ADCY9: variants seen among roughly 807,000 people sequenced by gnomAD.
The protein encoded by ADCY9 is adenylate cyclase 9, also known as adenylate cyclase type 9.
In ADCY9, 50 loss-of-function variants were observed where a neutral mutation model predicts 101.5. The ratio of observed to expected loss-of-function variants is 0.49; its 90% CI spans 0.39 to 0.62. The LOEUF (loss-of-function observed/expected upper bound fraction) is 0.62. Ranked by LOEUF, ADCY9 falls within the 20% of genes least tolerant of loss-of-function variation. The probability of loss-of-function intolerance (pLI) is 0.00; values close to 1 mark genes in which losing one functional copy is unlikely to be tolerated. For synonymous variants in ADCY9, 905 were observed against 769.3 expected, an observed-to-expected ratio of 1.18 and a Z score of -2.92; for missense variants, 1,662 against 1,800.4, an observed-to-expected ratio of 0.92 and a Z score of 1.39.
At chr16:4,048,341 A>G (rs1188557654) in intron 2 of ADCY9, among the ~76,000 whole-genome samples, 4 of 152,256 alleles carry the variant, frequency 2.6e-5, no homozygotes, top group African/African-American at 9.6e-5. Flanking sequence ...TTGTTTGACA[A>G]TGAAAAATCA....
chr16:3,995,880 T>C (rs2056282973), intron 3 of ADCY9, among the ~76,000 whole-genome samples: 1 of 152,090 alleles, frequency 6.6e-6, no homozygotes, highest in African/African-American at 2.4e-5. Context: ...AAAATGAAAA[T>C]ATACATGCCA....
intron 2 of ADCY9, among the ~76,000 whole-genome samples, chr16:4,073,063 T>TCTTG (rs2056845046): frequency 6.6e-6 from 1 of 151,232 alleles, no homozygotes; most frequent in Non-Finnish European, 1.5e-5. Flanking sequence ...AATGAGTGTC[T>TCTTG]CTTGGATCTC....
intron 2 of ADCY9, among the ~76,000 whole-genome samples, chr16:4,081,743 C>T (rs2056903847): frequency 8.1e-6 from 1 of 124,144 alleles, no homozygotes; most frequent in African/African-American, 3.2e-5. Flanking sequence ...TGGGTAAAAG[C>T]AAGAGAGGGT....
intron 2 of ADCY9, among the ~76,000 whole-genome samples, chr16:4,097,580 G>T (rs2057016608): frequency 1.0e-5 from 1 of 99,044 alleles, no homozygotes. Context: ...TTAAGACAGA[G>T]TCTTGCTCTG....
chr16:4,041,848 C>T (rs2056629097), intron 2 of ADCY9, among the ~76,000 whole-genome samples: 1 of 150,238 alleles, frequency 6.7e-6, no homozygotes, highest in Non-Finnish European at 1.5e-5. Context: ...ATCACCTGGG[C>T]CCAAGCCATC....
At chr16:3,967,703 T>TTC (rs1385693180) in intron 10 of ADCY9, among the ~76,000 whole-genome samples, 5 of 150,420 alleles carry the variant, frequency 3.3e-5, no homozygotes, top group Admixed American at 6.6e-5. Context: ...CATCTTTTTT[T>TTC]TTTTTTTTTT....
chr16:4,017,850 T>C (rs1270763486), intron 2 of ADCY9, among the ~76,000 whole-genome samples: 1 of 152,204 alleles, frequency 6.6e-6, no homozygotes, highest in Non-Finnish European at 1.5e-5. Flanking sequence ...CTCACTATTG[T>C]AGTCCAACCT....
Position 4,115,408 on chromosome 16 carries a change from T to G in ADCY9, c.35A>C (p.His12Pro). Reference sequence around the variant, plus strand: ...GTCGCAGCTCACCTCGGTGCTGTGGTGATGCAGCAGCTGCTGGTGGGGTGG... The same window carrying G: ...GTCGCAGCTCACCTCGGTGCTGTGGGGATGCAGCAGCTGCTGGTGGGGTGG... ...ASPPHQQLLHHHSTEVSCDSS... is the reference protein window; with the variant it reads ...ASPPHQQLLHPHSTEVSCDSS... The change falls in exon 2 of 11, where the codon CAC becomes CCC. Residue 12 changes from histidine to proline, a missense_variant. His to Pro is a moderately conservative substitution (Grantham distance 77). This residue lies in a region of ADCY9 where 422 missense variants were observed against 392.0 expected (regional missense o/e 1.08). Coordinates refer to ENST00000294016, the MANE Select transcript of ADCY9 (RefSeq NM_001116.4). The surrounding 1 kb of genome is among the most constrained non-coding windows in gnomAD (Gnocchi z 6.2). 10 of 1,578,336 alleles carry G rather than the reference T, an allele frequency of 6.3e-6. No homozygotes were observed. The highest frequency in any genetic ancestry group is 8.6e-6 in the Non-Finnish European group (10 of 1,162,558).
At chr16:3,980,115 C>A (rs1276938343) in intron 7 of ADCY9, among the ~76,000 whole-genome samples, 1 of 152,244 alleles carries the variant, frequency 6.6e-6, no homozygotes, top group African/African-American at 2.4e-5. Context: ...CTCTAGCTGG[C>A]GGCTTCAGGA....
chr16:3,976,102 C>T (rs955797395), intron 9 of ADCY9, among the ~76,000 whole-genome samples: 1 of 152,210 alleles, frequency 6.6e-6, no homozygotes, highest in Admixed American at 6.5e-5. Flanking sequence ...ACCAATTCTC[C>T]TGCCTCAGCC....
chr16:3,983,596 C>T (rs779006231), intron 6 of ADCY9, 156 bp from the exon 7 acceptor site: 2 of 648,574 alleles, frequency 3.1e-6, no homozygotes, highest in Non-Finnish European at 5.4e-6. Context: ...CTCTACTACC[C>T]CATTTAACAC....
chr16:4,071,385 T>C (rs1334963638), intron 2 of ADCY9, among the ~76,000 whole-genome samples: 1 of 117,208 alleles, frequency 8.5e-6, no homozygotes, highest in Non-Finnish European at 1.8e-5. Context: ...TGAAAACAGA[T>C]CAATATCTGG....
chr16:4,107,405 G>T (rs1315907566), intron 2 of ADCY9, among the ~76,000 whole-genome samples: 1 of 151,986 alleles, frequency 6.6e-6, no homozygotes, highest in Non-Finnish European at 1.5e-5. Flanking sequence ...ACAAAAATTA[G>T]CCGGGCGTGG....
intron 10 of ADCY9, among the ~76,000 whole-genome samples, chr16:3,969,555 T>TA (rs1215376941): frequency 4.4e-5 from 5 of 113,270 alleles, no homozygotes; most frequent in Admixed American, 1.0e-4. Context: ...CACAATTTCT[T>TA]AAAGTTTGTT....
intron 2 of ADCY9, among the ~76,000 whole-genome samples, chr16:4,025,630 G>C (rs2056509764): frequency 6.6e-6 from 1 of 152,224 alleles, no homozygotes; most frequent in Non-Finnish European, 1.5e-5. Context: ...AAATGGCCCG[G>C]GGGTGTGGCA....
intron 2 of ADCY9, among the ~76,000 whole-genome samples, chr16:4,099,421 C>A (rs1428943225): frequency 6.6e-6 from 1 of 152,154 alleles, no homozygotes; most frequent in African/African-American, 2.4e-5. Flanking sequence ...TAGAAACATG[C>A]ATATACTATT....
chr16:4,060,035 C>T (rs7204629), intron 2 of ADCY9, among the ~76,000 whole-genome samples: 90,531 of 152,056 alleles, frequency 0.6, 27,216 homozygotes, highest in South Asian at 0.7. Context: ...CAGGGTGGGA[C>T]GAGCTGTGAA....
At chr16:4,113,207 G>A (rs1478195741) in intron 2 of ADCY9, among the ~76,000 whole-genome samples, 1 of 151,910 alleles carries the variant, frequency 6.6e-6, no homozygotes, top group Admixed American at 6.6e-5. Context: ...AAGACAGTGT[G>A]TACTCAGAGG....
At chr16:4,095,326 A>C (rs147866427) in intron 2 of ADCY9, among the ~76,000 whole-genome samples, 1 of 152,262 alleles carries the variant, frequency 6.6e-6, no homozygotes, top group East Asian at 1.9e-4. Context: ...ACAACATCTA[A>C]GGTAGACACT....
Sources: allele counts gnomAD v4.1 joint callset (sites outside exome capture counted in the v4.1 genomes callset), GRCh38; gene constraint gnomAD v4.1.1; regional missense constraint gnomAD v4.1.1; non-coding constraint Gnocchi (gnomAD v3.1); transcripts MANE v1.5; gene names NCBI Gene and HGNC (gene_info 2026-07-23, HGNC 2026-07-21).